The following TM6SF1 variants were observed in gnomAD, a reference collection of about 807,000 sequenced individuals.
TM6SF1 encodes transmembrane 6 superfamily member 1.
TM6SF1 carries 43 observed loss-of-function variants against 47.1 expected under a neutral mutation model. The observed-to-expected ratio is 0.91, with a 90% CI of 0.72 to 1.18. The LOEUF is 1.18. Ranked by LOEUF, TM6SF1 falls within the 50% of genes most tolerant of loss-of-function variation. The pLI is 0.00. For missense variants in TM6SF1, 390 were observed against 449.0 expected, an observed-to-expected ratio of 0.87 and a Z score of 1.19; for synonymous variants, 177 against 166.3, an observed-to-expected ratio of 1.06 and a Z score of -0.49.
At chr15:83,126,267 T>C (rs1236700089) in intron 7 of TM6SF1, among the ~76,000 whole-genome samples, 1 of 152,124 alleles carries the variant, frequency 6.6e-6, no homozygotes, top group Non-Finnish European at 1.5e-5. Flanking sequence ...AAAAAGACTT[T>C]CCAGCAAGAG....
chr15:83,111,192 A>G (rs1276944873), intron 1 of TM6SF1, among the ~76,000 whole-genome samples: 2 of 151,940 alleles, frequency 1.3e-5, no homozygotes, highest in African/African-American at 4.8e-5. Flanking sequence ...CATAGAATTG[A>G]TCCATCTATC....
At position 83,116,081 on chromosome 15, in the gene TM6SF1, C is replaced by T. The variant is rs905789688; in HGVS notation, c.294+139C>T. 51 of 661,244 alleles carry T rather than the reference C, an allele frequency of 7.7e-5. No homozygotes were observed. The Admixed American group carries it at 8.9e-4, about 12-fold the overall frequency. The allele number at this position is 661,244 out of a possible 1,614,324, so 41.0% of individuals were successfully genotyped here. A position where few individuals can be genotyped will look rare whatever the true frequency, so the allele number is the denominator to read the frequency against. On this transcript the variant is annotated intron_variant, in intron 3 of 9. Transcript: ENST00000322019. ...TTCATTTCCTATAATAGCCTTAGGT[C>T]GCTTAGTCACATGGAAAGTGGAGCA...
At chr15:83,116,853 C>G (rs917172410) in intron 3 of TM6SF1, among the ~76,000 whole-genome samples, 6 of 152,152 alleles carry the variant, frequency 3.9e-5, no homozygotes, top group Non-Finnish European at 8.8e-5. Context: ...TGTCCTGATT[C>G]CTGCTTTGGA....
Position 83,127,407 on chromosome 15 carries a change from A to G in TM6SF1, c.851A>G (p.Tyr284Cys), listed in dbSNP as rs893995778. The G allele has an allele frequency of 8.7e-6, 14 of 1,613,854 alleles. No homozygotes were observed. Among genetic ancestry groups the G allele is most frequent in the South Asian group, 2.2e-5 (2 of 91,072 alleles). Residue 284 changes from tyrosine to cysteine, a missense_variant, in exon 9 of 10, where the codon TAT becomes TGT. Transcript: ENST00000322019. ...GTTCCTTACTTTGTGACTGCACTGT[A>G]TGGCTTAGTGGTTCCTGGATGTTCC... ...YSVPYFVTAL[Y>C]GLVVPGCSWM...
At position 83,111,250 on chromosome 15, in the gene TM6SF1, CTCA is replaced by C. The variant is rs1311207888; in HGVS notation, c.93-1538_93-1536del. Among the ~76,000 whole-genome samples, 20 of 152,188 alleles carry C rather than the reference CTCA, an allele frequency of 1.3e-4. No homozygotes were observed. In the South Asian group the frequency reaches 1.9e-3, roughly 14 times the overall value. Reference sequence around the variant, plus strand: ...CATTCACCCATACTCCATCCATCCACTCATCATCATCTATCCATCCATTTATCC... The same window carrying C: ...CATTCACCCATACTCCATCCATCCACTCATCATCTATCCATCCATTTATCC... On this transcript the variant is annotated intron_variant, in intron 1 of 9. Transcript: ENST00000322019.
chr15:83,130,731 C>A (rs963294252), intron 9 of TM6SF1: 1 of 152,200 alleles, frequency 6.6e-6, no homozygotes, highest in African/African-American at 2.4e-5. Context: ...TTGTTTTGTA[C>A]TTAGCAAATA....
chr15:83,125,285 T>C (rs964561334), intron 7 of TM6SF1, among the ~76,000 whole-genome samples: 42 of 152,216 alleles, frequency 2.8e-4, no homozygotes, highest in African/African-American at 9.4e-4. Flanking sequence ...AGTCTTTGTA[T>C]TGATGTGACT....
intron 4 of TM6SF1, among the ~76,000 whole-genome samples, chr15:83,121,688 A>T (rs2035259695): frequency 6.6e-6 from 1 of 152,256 alleles, no homozygotes; most frequent in Admixed American, 6.5e-5. Flanking sequence ...CAGAAGACAT[A>T]GCAGGCGTAA....
chr15:83,108,376 G>A (rs1046263337), intron 1 of TM6SF1, among the ~76,000 whole-genome samples: 3 of 151,526 alleles, frequency 2.0e-5, no homozygotes, highest in Non-Finnish European at 2.9e-5. Context: ...CTTTGTGTGC[G>A]TCCTATTGTA....
intron 9 of TM6SF1, chr15:83,128,673 A>G (rs1479351747): frequency 6.6e-6 from 1 of 152,118 alleles, no homozygotes; most frequent in Non-Finnish European, 1.5e-5. Flanking sequence ...AGCACCTCAG[A>G]TTTAATATAT....
chr15:83,111,114 C>T (rs924031386), intron 1 of TM6SF1, among the ~76,000 whole-genome samples: 1 of 152,134 alleles, frequency 6.6e-6, no homozygotes, highest in Non-Finnish European at 1.5e-5. Context: ...TCGGGTGATC[C>T]ACCCGCCTCG....
intron 1 of TM6SF1, among the ~76,000 whole-genome samples, chr15:83,108,199 T>C (rs1368210007): frequency 6.6e-6 from 1 of 152,228 alleles, no homozygotes. Flanking sequence ...CGCATACTTA[T>C]CATTTCTTAT....
At chr15:83,108,551 G>A (rs1286741665) in intron 1 of TM6SF1, among the ~76,000 whole-genome samples, 1 of 152,166 alleles carries the variant, frequency 6.6e-6, no homozygotes, top group African/African-American at 2.4e-5. Flanking sequence ...TCGAAGCCCT[G>A]CCTCCCACTC....
intron 9 of TM6SF1, chr15:83,135,692 T>C (rs1373149229): frequency 6.6e-6 from 1 of 152,202 alleles, no homozygotes; most frequent in Non-Finnish European, 1.5e-5. Flanking sequence ...TGAATAAGTA[T>C]ATAAGTAGAG....
chr15:83,122,740 T>C lies in TM6SF1; in HGVS notation c.482-17T>C, dbSNP rs771236639. The C allele has an allele frequency of 5.6e-6, 9 of 1,610,686 alleles. No homozygotes were observed. The highest frequency in any genetic ancestry group is 5.9e-6 in the Non-Finnish European group (7 of 1,179,284). On this transcript the variant is annotated splice_polypyrimidine_tract_variant and intron_variant, in intron 5 of 9. Transcript: ENST00000322019. Reference sequence around the variant, plus strand: ...TATGCTTTTGGTAACTTCTTTCTCTTTCTCTCTTTTAAATAGGGAAGTATG... The same window carrying C: ...TATGCTTTTGGTAACTTCTTTCTCTCTCTCTCTTTTAAATAGGGAAGTATG...
At chr15:83,126,303 C>T (rs2035747195) in intron 7 of TM6SF1, among the ~76,000 whole-genome samples, 1 of 152,184 alleles carries the variant, frequency 6.6e-6, no homozygotes, top group Non-Finnish European at 1.5e-5. Context: ...TCATCTTTTA[C>T]TGCCTCCAAA....
chr15:83,122,600 C>G (rs1356809363), intron 5 of TM6SF1, among the ~76,000 whole-genome samples, 157 bp from the exon 6 acceptor site: 1 of 152,042 alleles, frequency 6.6e-6, no homozygotes, highest in Non-Finnish European at 1.5e-5. Flanking sequence ...TAATACACAT[C>G]TAGTATTTTA....
chr15:83,116,218 ATAAAT>A (rs2034647312), intron 3 of TM6SF1, among the ~76,000 whole-genome samples: 1 of 152,220 alleles, frequency 6.6e-6, no homozygotes, highest in Non-Finnish European at 1.5e-5. Context: ...TGTATTTAAT[ATAAAT>A]AAGGTACCTT....
intron 3 of TM6SF1, among the ~76,000 whole-genome samples, chr15:83,117,694 C>A (rs1228403600): frequency 2.0e-5 from 3 of 152,038 alleles, no homozygotes; most frequent in African/African-American, 7.2e-5. Context: ...GTCTGCAGGG[C>A]CAGGCTCTGG....
Sources: allele counts gnomAD v4.1 joint callset (sites outside exome capture counted in the v4.1 genomes callset), GRCh38; gene constraint gnomAD v4.1.1; transcripts MANE v1.5; gene names NCBI Gene and HGNC (gene_info 2026-07-23, HGNC 2026-07-21).